TACR1: variants seen among roughly 807,000 people sequenced by gnomAD.
The protein encoded by TACR1 is tachykinin receptor 1, also known as substance-P receptor.
Under a neutral mutation model 35.8 loss-of-function variants are expected in TACR1, and 25 were observed. The ratio of observed to expected loss-of-function variants is 0.70; its 90% CI spans 0.51 to 0.98. The LOEUF is 0.98. Among genes scored for constraint, TACR1 ranks in the 50% least tolerant of loss-of-function variants. The pLI, the probability that TACR1 is intolerant of heterozygous loss-of-function variation, is 0.00. For synonymous variants in TACR1, 195 were observed against 206.7 expected, an observed-to-expected ratio of 0.94 and a Z score of 0.48; for missense variants, 478 against 522.9, an observed-to-expected ratio of 0.91 and a Z score of 0.84.
intron 1 of TACR1, among the ~76,000 whole-genome samples, chr2:75,141,271 C>A (rs1165581236): frequency 6.6e-6 from 1 of 152,166 alleles, no homozygotes; most frequent in Non-Finnish European, 1.5e-5. Context: ...CATAACAGGA[C>A]CCACCATCCT....
intron 2 of TACR1, among the ~76,000 whole-genome samples, chr2:75,077,205 G>A (rs1390338097): frequency 6.6e-6 from 1 of 152,126 alleles, no homozygotes; most frequent in African/African-American, 2.4e-5. Context: ...CCTGACCTCA[G>A]GTGACCCACC....
chr2:75,098,740 T>C, intron 2 of TACR1, among the ~76,000 whole-genome samples: 1 of 152,096 alleles, frequency 6.6e-6, no homozygotes, highest in Admixed American at 6.6e-5. Flanking sequence ...TAACCCAGTC[T>C]CTCCCACTTT....
At chr2:75,174,893 C>T (rs1675375632) in intron 1 of TACR1, among the ~76,000 whole-genome samples, 1 of 152,140 alleles carries the variant, frequency 6.6e-6, no homozygotes, top group African/African-American at 2.4e-5. Context: ...TTCTCAGGCC[C>T]AATTTCAGGG....
At chr2:75,144,503 T>C (rs1419554202) in intron 1 of TACR1, among the ~76,000 whole-genome samples, 1 of 152,238 alleles carries the variant, frequency 6.6e-6, no homozygotes, top group African/African-American at 2.4e-5. Context: ...CATACAGTGC[T>C]TTCTCAGGAA....
intron 2 of TACR1, among the ~76,000 whole-genome samples, chr2:75,110,236 G>T (rs1325462774): frequency 6.6e-6 from 1 of 151,854 alleles, no homozygotes; most frequent in Non-Finnish European, 1.5e-5. Flanking sequence ...GAGAGAAAAT[G>T]ATTGTGGTCT....
intron 2 of TACR1, among the ~76,000 whole-genome samples, chr2:75,061,226 G>T (rs1006147919): frequency 6.6e-6 from 1 of 151,350 alleles, no homozygotes; most frequent in Non-Finnish European, 1.5e-5. Flanking sequence ...GAGGGAGAGA[G>T]ACTCCAGGGG....
At chr2:75,112,253 C>T (rs528832309) in intron 2 of TACR1, among the ~76,000 whole-genome samples, 16 of 151,858 alleles carry the variant, frequency 1.1e-4, no homozygotes, top group Non-Finnish European at 2.1e-4. Flanking sequence ...TTTGATATCT[C>T]GAATGGCAAG....
rs535551511 is a variant in TACR1, at chr2:75,072,134, T to C, written c.585-18379A>G. On this transcript the variant is annotated intron_variant, in intron 2 of 4. Transcript: ENST00000305249. ...ACAAGGAGTCAATGGCACCGTGAAG[T>C]AGGAGTTAGTTAGGGTCAGCTCAGG... Among the ~76,000 whole-genome samples, 25 of 151,476 alleles carry C rather than the reference T, an allele frequency of 1.7e-4. No individual in the cohort carries two copies. In the South Asian group the frequency reaches 4.9e-3, roughly 29 times the overall value.
At chr2:75,055,492 T>A (rs1672550550) in intron 2 of TACR1, among the ~76,000 whole-genome samples, 1 of 152,220 alleles carries the variant, frequency 6.6e-6, no homozygotes, top group Admixed American at 6.5e-5. Flanking sequence ...CCCTCCTGGT[T>A]GCTGTAATGG....
rs762326839 is a variant in TACR1, at chr2:75,198,514, CT to C, written c.389+31del. 6 of 1,603,634 alleles carry C rather than the reference CT, an allele frequency of 3.7e-6. No individual in the cohort carries two copies. The Admixed American group carries it at 8.4e-5, about 22-fold the overall frequency. On this transcript the variant is annotated intron_variant, in intron 1 of 4. Coordinates refer to ENST00000305249, the MANE Select transcript of TACR1 (RefSeq NM_001058.4). ...GCAATGCCGTGGTCCTCTATGAGCA[CT>C]TTCTCGCCTTTTCACAAAGGCTAAT...
At chr2:75,128,943 C>T (rs1674130164) in intron 1 of TACR1, among the ~76,000 whole-genome samples, 1 of 152,078 alleles carries the variant, frequency 6.6e-6, no homozygotes. Context: ...CAAACTAGAT[C>T]CTTTGTGACA....
At chr2:75,051,795 T>C (rs17838412) in intron 3 of TACR1, among the ~76,000 whole-genome samples, 20,750 of 152,210 alleles carry the variant, frequency 0.14, 1,564 homozygotes, top group African/African-American at 0.19. Context: ...TTCTGATGCA[T>C]ACTCACATTT....
At chr2:75,102,721 A>T (rs187211761) in intron 2 of TACR1, among the ~76,000 whole-genome samples, 1 of 152,264 alleles carries the variant, frequency 6.6e-6, no homozygotes, top group South Asian at 2.1e-4. Context: ...TTTATACCCA[A>T]TCAAGCAGCC....
intron 1 of TACR1, among the ~76,000 whole-genome samples, chr2:75,186,101 C>G (rs932228667): frequency 6.6e-6 from 1 of 152,132 alleles, no homozygotes; most frequent in Non-Finnish European, 1.5e-5. Context: ...GGGCCAGGCA[C>G]TGTGGCTCAC....
chr2:75,101,969 AAAAAAT>A (rs1382699770), intron 2 of TACR1, among the ~76,000 whole-genome samples: 1 of 152,114 alleles, frequency 6.6e-6, no homozygotes, highest in Non-Finnish European at 1.5e-5. Context: ...TAAAAAAATA[AAAAAAT>A]AAAAATAAAG....
At chr2:75,186,124 A>G (rs2104065356) in intron 1 of TACR1, among the ~76,000 whole-genome samples, 1 of 152,322 alleles carries the variant, frequency 6.6e-6, no homozygotes, top group South Asian at 2.1e-4. Context: ...CTGTAATCCC[A>G]GCACTTTGGG....
chr2:75,068,102 CTAAG>C (rs1340125511), intron 2 of TACR1, among the ~76,000 whole-genome samples: 1 of 152,274 alleles, frequency 6.6e-6, no homozygotes, highest in East Asian at 1.9e-4. Context: ...GTCTATGTCT[CTAAG>C]TAGCTATTTA....
chr2:75,114,866 T>A (rs1023353062), intron 2 of TACR1, among the ~76,000 whole-genome samples: 9 of 152,194 alleles, frequency 5.9e-5, no homozygotes, highest in African/African-American at 2.2e-4. Flanking sequence ...TGAGCCTAAC[T>A]CCCCATTTTC....
chr2:75,049,334 G>C lies in TACR1; in HGVS notation c.*98C>G. 7.4e-7 allele frequency: 1 copy of C among 1,354,362 alleles called. No individual in the cohort carries two copies. The highest frequency in any genetic ancestry group is 1.0e-6 in the Non-Finnish European group (1 of 985,900). The allele number at this position is 1,354,362 out of a possible 1,614,324, so 83.9% of individuals were successfully genotyped here. A position where few individuals can be genotyped will look rare whatever the true frequency, so the allele number is the denominator to read the frequency against. On this transcript the variant is annotated 3_prime_UTR_variant, in exon 5 of 5. Coordinates refer to ENST00000305249, the MANE Select transcript of TACR1 (RefSeq NM_001058.4). ...TGACCCTTTTTGCAAGTCCCAGTGTGAGGGTGTTTCTGATGGTTCCAGATG... is the reference window on the plus strand; with the variant it reads ...TGACCCTTTTTGCAAGTCCCAGTGTCAGGGTGTTTCTGATGGTTCCAGATG...
Sources: gnomAD v4.1 joint callset for allele counts (sites outside exome capture counted in the v4.1 genomes callset) on GRCh38, gnomAD v4.1.1 for gene constraint, MANE v1.5 for transcripts, NCBI Gene and HGNC (gene_info 2026-07-23, HGNC 2026-07-21) for gene names.